NUBPL: variants seen among roughly 807,000 people sequenced by gnomAD.
The protein encoded by NUBPL is iron-sulfur cluster transfer protein NUBPL.
NUBPL carries 31 observed loss-of-function variants against 45.7 expected under a neutral mutation model. The observed-to-expected ratio is 0.68, with a 90% CI of 0.51 to 0.92. The LOEUF (loss-of-function observed/expected upper bound fraction) is 0.92. NUBPL is among the 40% of genes least tolerant of loss of function. The pLI is 0.00. For missense variants in NUBPL, 401 were observed against 398.7 expected (o/e 1.01, Z -0.05); for synonymous variants, 144 against 140.9 (o/e 1.02, Z -0.15).
chr14:31,581,861 G>A (rs1298882086), intron 3 of NUBPL, among the ~76,000 whole-genome samples: 1 of 151,998 alleles, frequency 6.6e-6, no homozygotes, highest in Non-Finnish European at 1.5e-5. Context: ...TTGAGAAAGT[G>A]GCCTTTTAAC....
chr14:31,579,114 C>T (rs755406686), intron 3 of NUBPL, among the ~76,000 whole-genome samples: 1 of 152,136 alleles, frequency 6.6e-6, no homozygotes, highest in Non-Finnish European at 1.5e-5. Flanking sequence ...CTTCTCCAAA[C>T]CCTGGAAAAG....
chr14:31,652,226 T>C (rs1422503246), intron 4 of NUBPL, among the ~76,000 whole-genome samples: 2 of 127,946 alleles, frequency 1.6e-5, no homozygotes, highest in African/African-American at 4.9e-5. Context: ...ATCTCACTTA[T>C]GTGCGGAATC....
intron 10 of NUBPL, among the ~76,000 whole-genome samples, chr14:31,858,803 A>C (rs1272260269): frequency 6.6e-6 from 1 of 152,228 alleles, no homozygotes; most frequent in East Asian, 1.9e-4. Flanking sequence ...CAGAGCAAAA[A>C]GGTGTAATCT....
chr14:31,675,578 A>G (rs1431230062), intron 6 of NUBPL, among the ~76,000 whole-genome samples: 1 of 152,226 alleles, frequency 6.6e-6, no homozygotes, highest in Non-Finnish European at 1.5e-5. Context: ...AATTATCCCA[A>G]AGTTGAAACA....
chr14:31,656,481 A>T (rs1463521842), intron 4 of NUBPL, among the ~76,000 whole-genome samples: 1 of 152,230 alleles, frequency 6.6e-6, no homozygotes, highest in Non-Finnish European at 1.5e-5. Context: ...TGAGAAACAT[A>T]TAACTTTTTA....
chr14:31,678,104 T>C (rs1319332998), intron 6 of NUBPL, among the ~76,000 whole-genome samples: 1 of 152,166 alleles, frequency 6.6e-6, no homozygotes, highest in Non-Finnish European at 1.5e-5. Context: ...CCACAGGGCA[T>C]ACTTCTAGGC....
At chr14:31,779,352 A>G (rs1190963998) in intron 6 of NUBPL, among the ~76,000 whole-genome samples, 4 of 151,868 alleles carry the variant, frequency 2.6e-5, no homozygotes, top group Admixed American at 2.6e-4. Context: ...AAAAAAAAGA[A>G]GAAGAAAGAA....
chr14:31,790,174 C>T (rs2039353347), intron 7 of NUBPL, among the ~76,000 whole-genome samples: 2 of 152,162 alleles, frequency 1.3e-5, no homozygotes, highest in African/African-American at 4.8e-5. Context: ...CTGATGTTGC[C>T]TAAGCAGTTT....
intron 10 of NUBPL, among the ~76,000 whole-genome samples, chr14:31,855,424 G>A (rs2040600670): frequency 6.6e-6 from 1 of 152,138 alleles, no homozygotes. Context: ...GGAAAAAGCT[G>A]GACTTTAGAG....
intron 6 of NUBPL, among the ~76,000 whole-genome samples, chr14:31,745,943 A>G (rs1394166481): frequency 3.9e-5 from 6 of 151,944 alleles, no homozygotes; most frequent in Non-Finnish European, 8.8e-5. Flanking sequence ...CATCTAGTGG[A>G]TGTTTGTGGT....
chr14:31,585,198 A>G (rs938707654), intron 3 of NUBPL, among the ~76,000 whole-genome samples: 1 of 152,160 alleles, frequency 6.6e-6, no homozygotes, highest in South Asian at 2.1e-4. Context: ...GTCTTGGGCC[A>G]CATATAAAAT....
At chr14:31,729,642 A>C (rs1399938260) in intron 6 of NUBPL, among the ~76,000 whole-genome samples, 5 of 151,862 alleles carry the variant, frequency 3.3e-5, no homozygotes, top group Non-Finnish European at 5.9e-5. Flanking sequence ...TAGGAACTTG[A>C]TTTTTATGTA....
chr14:31,809,238 G>A (rs1184658034), intron 7 of NUBPL, among the ~76,000 whole-genome samples: 3 of 152,080 alleles, frequency 2.0e-5, no homozygotes, highest in Admixed American at 2.0e-4. Context: ...CTGTGAATCT[G>A]TCTGGTCCTG....
At chr14:31,638,106 T>G (rs966418929) in intron 4 of NUBPL, among the ~76,000 whole-genome samples, 1 of 152,148 alleles carries the variant, frequency 6.6e-6, no homozygotes. Context: ...TTAATATTGT[T>G]ATGTGTGAAT....
intron 6 of NUBPL, among the ~76,000 whole-genome samples, chr14:31,718,098 T>C (rs865881061): frequency 6.6e-6 from 1 of 152,298 alleles, no homozygotes; most frequent in South Asian, 2.1e-4. Flanking sequence ...CTAAAATATA[T>C]TCTCTTTTTT....
intron 4 of NUBPL, among the ~76,000 whole-genome samples, chr14:31,604,379 A>T (rs927967714): frequency 1.3e-5 from 2 of 152,172 alleles, no homozygotes; most frequent in Non-Finnish European, 2.9e-5. Context: ...TTTTCATGTT[A>T]ATTTATCCTA....
intron 7 of NUBPL, among the ~76,000 whole-genome samples, chr14:31,815,112 A>G (rs2039889252): frequency 6.6e-6 from 1 of 152,158 alleles, no homozygotes; most frequent in Admixed American, 6.5e-5. Flanking sequence ...CATTGAATAT[A>G]TAAATTACTT....
At chr14:31,823,788 T>C (rs2040055514) in intron 7 of NUBPL, among the ~76,000 whole-genome samples, 1 of 152,038 alleles carries the variant, frequency 6.6e-6, no homozygotes, top group African/African-American at 2.4e-5. Context: ...TTTGATCCTT[T>C]CCAAATGACT....
At chr14:31,636,492 C>A (rs534131088) in intron 4 of NUBPL, among the ~76,000 whole-genome samples, 2 of 152,194 alleles carry the variant, frequency 1.3e-5, no homozygotes, top group South Asian at 2.1e-4. Context: ...ATTGGTTTGC[C>A]AGTATTTTAT....
Sources: allele counts gnomAD v4.1 joint callset (sites outside exome capture counted in the v4.1 genomes callset), GRCh38; gene constraint gnomAD v4.1.1; transcripts MANE v1.5; gene names NCBI Gene and HGNC (gene_info 2026-07-23, HGNC 2026-07-21).